TRPS1: variants seen among roughly 807,000 people sequenced by gnomAD.
TRPS1 encodes transcriptional repressor GATA binding 1.
In TRPS1, 6 loss-of-function variants were observed where a neutral mutation model predicts 101.2. That is an observed-to-expected ratio of 0.06 (90% CI 0.03 to 0.12). The LOEUF (loss-of-function observed/expected upper bound fraction) is 0.12, where lower values mean the gene tolerates loss of function less well. Among genes scored for constraint, TRPS1 ranks in the 10% least tolerant of loss-of-function variants. TRPS1 has a pLI of 1.00. For synonymous variants in TRPS1, 578 were observed against 589.8 expected (o/e 0.98, Z 0.29); for missense variants, 1,363 against 1,567.0 (o/e 0.87, Z 2.20).
intron 5 of TRPS1, among the ~76,000 whole-genome samples, chr8:115,506,440 C>G (rs1243354705): frequency 6.6e-6 from 1 of 151,838 alleles, no homozygotes; most frequent in Non-Finnish European, 1.5e-5. Flanking sequence ...AGAAATCAAA[C>G]AGTCCTAATG....
At chr8:115,531,743 C>A (rs550951985) in intron 5 of TRPS1, among the ~76,000 whole-genome samples, 2 of 151,904 alleles carry the variant, frequency 1.3e-5, no homozygotes, top group African/African-American at 2.4e-5. Flanking sequence ...TTAAAAAAAA[C>A]AAAGTGAAGA....
At chr8:115,572,010 ATAAT>A (rs1234440497) in intron 5 of TRPS1, among the ~76,000 whole-genome samples, 1 of 152,146 alleles carries the variant, frequency 6.6e-6, no homozygotes. Context: ...AGTTATTTAC[ATAAT>A]TAAACAATTA....
At position 115,409,699 on chromosome 8, in the gene TRPS1, A is replaced by T. The variant is rs1812742404; in HGVS notation, c.*4324T>A. On this transcript the variant is annotated 3_prime_UTR_variant, in exon 7 of 7. Coordinates refer to ENST00000395715, the MANE Select transcript of TRPS1 (RefSeq NM_014112.5). ...CTGCCCTTGGCCGTCTTTCTTTGGGAAAATAACAATGCCCTCCAAAGTCCC... is the reference window on the plus strand; with the variant it reads ...CTGCCCTTGGCCGTCTTTCTTTGGGTAAATAACAATGCCCTCCAAAGTCCC... 1 of 152,050 alleles carries T rather than the reference A, an allele frequency of 6.6e-6. No homozygotes were observed. Among genetic ancestry groups the T allele is most frequent in the South Asian group, 2.1e-4 (1 of 4,826 alleles). The allele number at this position is 152,050 out of a possible 1,614,324, so 9.4% of individuals were successfully genotyped here.
chr8:115,493,710 G>A (rs923106415), intron 5 of TRPS1, among the ~76,000 whole-genome samples: 1 of 152,140 alleles, frequency 6.6e-6, no homozygotes, highest in Non-Finnish European at 1.5e-5. Context: ...TATATTGTTA[G>A]AAACCATACT....
intron 5 of TRPS1, among the ~76,000 whole-genome samples, chr8:115,578,292 A>G (rs1817367115): frequency 6.6e-6 from 1 of 152,114 alleles, no homozygotes; most frequent in South Asian, 2.1e-4. Context: ...TATAAGCCAA[A>G]TTATTTTATA....
chr8:115,425,471 T>A (rs1237025055), intron 5 of TRPS1, among the ~76,000 whole-genome samples: 1 of 152,168 alleles, frequency 6.6e-6, no homozygotes, highest in African/African-American at 2.4e-5. Flanking sequence ...ATAGAACAGT[T>A]TTTGTTCCAG....
chr8:115,594,677 ATCCT>A (rs1442348703), intron 4 of TRPS1, among the ~76,000 whole-genome samples: 1 of 151,916 alleles, frequency 6.6e-6, no homozygotes, highest in Non-Finnish European at 1.5e-5. Context: ...TTGTTTTTTG[ATCCT>A]TCCATGTTTC....
At chr8:115,564,572 T>A (rs1817023204) in intron 5 of TRPS1, among the ~76,000 whole-genome samples, 1 of 152,104 alleles carries the variant, frequency 6.6e-6, no homozygotes, top group South Asian at 2.1e-4. Flanking sequence ...GACAGATGGG[T>A]TTGGAAAGCT....
intron 1 of TRPS1, among the ~76,000 whole-genome samples, chr8:115,651,165 A>C (rs1586496026): frequency 6.6e-6 from 1 of 152,200 alleles, no homozygotes; most frequent in East Asian, 1.9e-4. Context: ...TCTCACATAT[A>C]ATATCAGTAA....
intron 5 of TRPS1, among the ~76,000 whole-genome samples, chr8:115,492,478 TGTGC>T (rs966040310): frequency 1.6e-5 from 2 of 127,496 alleles, no homozygotes; most frequent in Non-Finnish European, 3.8e-5. Flanking sequence ...TGTGTGTGTG[TGTGC>T]GTGCGTGTGC....
chr8:115,449,033 T>G (rs1452110263), intron 5 of TRPS1, among the ~76,000 whole-genome samples: 3 of 152,192 alleles, frequency 2.0e-5, no homozygotes, highest in Non-Finnish European at 2.9e-5. Context: ...ATTTCCTTTT[T>G]AAAAATAATA....
At chr8:115,617,856 C>T (rs1586462680) in intron 3 of TRPS1, among the ~76,000 whole-genome samples, 1 of 152,112 alleles carries the variant, frequency 6.6e-6, no homozygotes, top group South Asian at 2.1e-4. Flanking sequence ...TGGAAAATCA[C>T]AAACTAAGAT....
chr8:115,602,379 A>C (rs1817928404), intron 4 of TRPS1, among the ~76,000 whole-genome samples: 2 of 152,232 alleles, frequency 1.3e-5, no homozygotes, highest in South Asian at 4.1e-4. Context: ...AAAGCAGCTG[A>C]TGTCTGCGAG....
intron 1 of TRPS1, among the ~76,000 whole-genome samples, chr8:115,627,300 T>C (rs977381127): frequency 1.3e-5 from 2 of 151,762 alleles, no homozygotes; most frequent in Non-Finnish European, 3.0e-5. Flanking sequence ...TGCAGAAAAG[T>C]AGTTTTTCCT....
intron 5 of TRPS1, among the ~76,000 whole-genome samples, chr8:115,512,534 T>TG (rs1257030916): frequency 2.0e-5 from 3 of 151,616 alleles, no homozygotes; most frequent in African/African-American, 7.3e-5. Flanking sequence ...GGTTTTTTTT[T>TG]GAGCTAAAAA....
intron 5 of TRPS1, among the ~76,000 whole-genome samples, chr8:115,548,094 G>A (rs1010581061): frequency 3.3e-5 from 5 of 151,692 alleles, no homozygotes; most frequent in South Asian, 2.1e-4. Context: ...TAAGTCTGGT[G>A]TGGTTGGCGC....
intron 5 of TRPS1, among the ~76,000 whole-genome samples, chr8:115,580,245 A>AAATATATAT (rs1554591592): frequency 5.0e-5 from 7 of 139,872 alleles, no homozygotes; most frequent in African/African-American, 1.6e-4. Flanking sequence ...AAAAAAAAAA[A>AAATATATAT]ATATATATAT....
intron 5 of TRPS1, among the ~76,000 whole-genome samples, chr8:115,458,925 C>CA (rs1427264103): frequency 2.6e-5 from 4 of 152,108 alleles, no homozygotes; most frequent in African/African-American, 4.8e-5. Flanking sequence ...ATCAAGACTT[C>CA]AAAAAATCAC....
At chr8:115,588,932 CA>C (rs1817625556) in intron 4 of TRPS1, among the ~76,000 whole-genome samples, 1 of 152,114 alleles carries the variant, frequency 6.6e-6, no homozygotes, top group Non-Finnish European at 1.5e-5. Flanking sequence ...AATGACTAGA[CA>C]GGAAGTTTCA....
Sources: gnomAD v4.1 joint callset for allele counts (sites outside exome capture counted in the v4.1 genomes callset) on GRCh38, gnomAD v4.1.1 for gene constraint, MANE v1.5 for transcripts, NCBI Gene and HGNC (gene_info 2026-07-23, HGNC 2026-07-21) for gene names.